The following BDKRB2 variants were observed in gnomAD, a reference collection of about 807,000 sequenced individuals.
BDKRB2 encodes the protein bradykinin receptor B2, also known as B2 bradykinin receptor.
Under a neutral mutation model 4.0 loss-of-function variants are expected in BDKRB2, and 6 were observed. That is an observed-to-expected ratio of 1.49 (90% confidence interval 0.81 to 2.93). The LOEUF is 2.93. BDKRB2 is among the 30% of genes most tolerant of loss of function. The pLI is 0.00. For missense variants in BDKRB2, 478 were observed against 520.1 expected (o/e 0.92, Z 0.79); for synonymous variants, 225 against 215.3 (o/e 1.05, Z -0.40).
chr14:96,241,701 C>A lies in BDKRB2; in HGVS notation c.*197C>A. ...CATGGCTGTGAGGATGGGGTGAACTCACGCACAGCCAAGGACTCCAAAATC... is the reference window on the plus strand; with the variant it reads ...CATGGCTGTGAGGATGGGGTGAACTAACGCACAGCCAAGGACTCCAAAATC... On this transcript the variant is annotated 3_prime_UTR_variant, in exon 3 of 3. Transcript: ENST00000554311. 1.2e-6 allele frequency: 1 copy of A among 853,484 alleles called. No homozygotes were observed. Among genetic ancestry groups the A allele is most frequent in the Non-Finnish European group, 1.7e-6 (1 of 605,704 alleles). 52.9% of individuals were successfully genotyped at this position (853,484 alleles called of 1,614,324 possible).
At chr14:96,239,117 A>G in intron 2 of BDKRB2, 6 of 985,320 alleles carry the variant, frequency 6.1e-6, no homozygotes, top group Non-Finnish European at 7.2e-6. Flanking sequence ...GAGCCTGACT[A>G]TCAGTGGACC....
At chr14:96,207,579 G>C (rs1483436489) in intron 1 of BDKRB2, among the ~76,000 whole-genome samples, 1 of 152,178 alleles carries the variant, frequency 6.6e-6, no homozygotes, top group Non-Finnish European at 1.5e-5. Flanking sequence ...CCATCACCAA[G>C]AGTGAACCCT....
chr14:96,238,471 A>T, intron 2 of BDKRB2: 1 of 985,680 alleles, frequency 1.0e-6, no homozygotes, highest in Non-Finnish European at 1.2e-6. Context: ...AAGCCACCAC[A>T]CACCACAGGG....
intron 1 of BDKRB2, among the ~76,000 whole-genome samples, chr14:96,227,695 GCACA>G (rs951870820): frequency 6.7e-6 from 1 of 149,868 alleles, no homozygotes; most frequent in East Asian, 2.0e-4. Flanking sequence ...ACACACACAT[GCACA>G]CACACACACA....
chr14:96,205,986 G>A (rs1890170714), intron 1 of BDKRB2, among the ~76,000 whole-genome samples: 1 of 152,154 alleles, frequency 6.6e-6, no homozygotes, highest in African/African-American at 2.4e-5. Context: ...GTGGGGTGAT[G>A]GGGGCCTCCC....
At chr14:96,238,179 G>T in intron 2 of BDKRB2, 1 of 843,640 alleles carries the variant, frequency 1.2e-6, no homozygotes, top group Non-Finnish European at 1.4e-6. Flanking sequence ...GAAACCAGGA[G>T]CCACCAAAAG....
At chr14:96,227,610 C>T (rs1241781240) in intron 1 of BDKRB2, among the ~76,000 whole-genome samples, 1 of 152,012 alleles carries the variant, frequency 6.6e-6, no homozygotes, top group Non-Finnish European at 1.5e-5. Flanking sequence ...CACATGCATG[C>T]ACACACAAAC....
rs1595266867 is a variant in BDKRB2, at chr14:96,241,588, G to C, written c.*84G>C. 5 of 1,475,644 alleles carry C rather than the reference G, an allele frequency of 3.4e-6. No individual in the cohort carries two copies. In the East Asian group the frequency reaches 1.2e-4, roughly 34 times the overall value. The allele number at this position is 1,475,644 out of a possible 1,614,324, so 91.4% of individuals were successfully genotyped here. ...AGCATGGGCCCAGGAATGCCAAGGAGACATCTATGCACGACCTTGGGAAAT... is the reference window on the plus strand; with the variant it reads ...AGCATGGGCCCAGGAATGCCAAGGACACATCTATGCACGACCTTGGGAAAT... On this transcript the variant is annotated 3_prime_UTR_variant, in exon 3 of 3. Coordinates refer to ENST00000554311, the MANE Select transcript of BDKRB2 (RefSeq NM_001379692.1).
chr14:96,234,460 A>C (rs1166659509), intron 1 of BDKRB2, among the ~76,000 whole-genome samples: 2 of 152,146 alleles, frequency 1.3e-5, no homozygotes, highest in Non-Finnish European at 2.9e-5. Flanking sequence ...AGAAGCCGGA[A>C]GGCAAAGAGC....
At chr14:96,228,984 T>G (rs1478143023) in intron 1 of BDKRB2, among the ~76,000 whole-genome samples, 1 of 152,200 alleles carries the variant, frequency 6.6e-6, no homozygotes. Context: ...TAGCAATGCA[T>G]CAGCCACTCA....
intron 2 of BDKRB2, chr14:96,237,645 C>G: frequency 7.9e-7 from 1 of 1,272,486 alleles, no homozygotes; most frequent in Non-Finnish European, 1.0e-6. Context: ...ATAGGGAGAT[C>G]TGTTCTTGGG....
At position 96,243,844 on chromosome 14, in the gene BDKRB2, A is replaced by G. The variant is rs201478639; in HGVS notation, c.*2340A>G. On this transcript the variant is annotated 3_prime_UTR_variant, in exon 3 of 3. Transcript: ENST00000554311. ...CAAACTGTGCCACACATGGTGAATG[A>G]AAAAAAAAAAAAGAGGCTGTGTTTT... 1 of 107,228 alleles carries G rather than the reference A, an allele frequency of 9.3e-6. No homozygotes were observed. The highest frequency in any genetic ancestry group is 2.0e-5 in the Non-Finnish European group (1 of 49,124). The allele number at this position is 107,228 out of a possible 1,614,324, so 6.6% of individuals were successfully genotyped here. A position where few individuals can be genotyped will look rare whatever the true frequency, so the allele number is the denominator to read the frequency against.
At position 96,204,956 on chromosome 14, in the gene BDKRB2, G is replaced by T; in HGVS notation, c.-43G>T. 1 of 235,068 alleles carries T rather than the reference G, an allele frequency of 4.3e-6. No homozygotes were observed. The highest frequency in any genetic ancestry group is 5.3e-5 in the Admixed American group (1 of 18,746). 14.6% of individuals were successfully genotyped at this position (235,068 alleles called of 1,614,324 possible). On this transcript the variant is annotated 5_prime_UTR_variant, in exon 1 of 3. Coordinates refer to ENST00000554311, the MANE Select transcript of BDKRB2 (RefSeq NM_001379692.1). ...AAGTGCCCATGCCGCTTGCTCCGGA[G>T]AAGGTGGGTGCCGGGCAGGGGCTGC...
At position 96,240,435 on chromosome 14, in the gene BDKRB2, C is replaced by T; in HGVS notation, c.107C>T (p.Pro36Leu). Residue 36 changes from proline to leucine, a missense_variant, in exon 3 of 3, where the codon CCC (proline) becomes CTC (leucine). Pro to Leu is a moderately conservative substitution (Grantham distance 98). Transcript: ENST00000554311. ...ATGCTCAATGTCACCTTGCAAGGGC[C>T]CACTCTTAACGGGACCTTTGCCCAG... Reference protein sequence around the residue: ...ADMLNVTLQGPTLNGTFAQSK... With the variant: ...ADMLNVTLQGLTLNGTFAQSK... 1 of 1,480,460 alleles carries T rather than the reference C, an allele frequency of 6.8e-7. No individual in the cohort carries two copies. The highest frequency in any genetic ancestry group is 9.0e-7 in the Non-Finnish European group (1 of 1,115,436). 91.7% of individuals were successfully genotyped at this position (1,480,460 alleles called of 1,614,324 possible). A position where few individuals can be genotyped will look rare whatever the true frequency, so the allele number is the denominator to read the frequency against.
intron 1 of BDKRB2, among the ~76,000 whole-genome samples, chr14:96,205,505 A>T (rs1890156396): frequency 6.6e-6 from 1 of 151,826 alleles, no homozygotes. Flanking sequence ...GGGGTTTGTG[A>T]ATGTTGGCTG....
At position 96,204,873 on chromosome 14, in the gene BDKRB2, TGGGGAC is replaced by T. The variant is rs764264024; in HGVS notation, c.-123_-118del. 290 of 84,284 alleles carry T rather than the reference TGGGGAC, an allele frequency of 3.4e-3. 3 individuals are homozygous for T. The highest frequency in any genetic ancestry group is 8.6e-3 in the South Asian group (56 of 6,536). The allele number at this position is 84,284 out of a possible 1,614,324, so 5.2% of individuals were successfully genotyped here. On this transcript the variant is annotated 5_prime_UTR_variant, in exon 1 of 3. Transcript: ENST00000554311. Reference sequence around the variant, plus strand: ...CTGGCTTCTGGGCTCCGAGGAGGGGTGGGGACGGTGGGGACGGTGGGGACATCAGGC... The same window carrying T: ...CTGGCTTCTGGGCTCCGAGGAGGGGTGGTGGGGACGGTGGGGACATCAGGC...
intron 2 of BDKRB2, chr14:96,239,865 C>T (rs912769720): frequency 1.5e-5 from 15 of 985,304 alleles, no homozygotes; most frequent in Admixed American, 1.2e-4. Flanking sequence ...ATAGAAGGTA[C>T]GGAAATACGA....
At chr14:96,238,450 G>C in intron 2 of BDKRB2, 1 of 984,642 alleles carries the variant, frequency 1.0e-6, no homozygotes, top group African/African-American at 1.7e-5. Context: ...AGTAATTCGG[G>C]GGGCATATGA....
intron 1 of BDKRB2, chr14:96,233,861 G>A (rs1890874352): frequency 6.6e-6 from 1 of 152,212 alleles, no homozygotes; most frequent in African/African-American, 2.4e-5. Flanking sequence ...ATAGAATTCT[G>A]AGGGAGAGAG....
Sources: allele counts gnomAD v4.1 joint callset (sites outside exome capture counted in the v4.1 genomes callset), GRCh38; gene constraint gnomAD v4.1.1; transcripts MANE v1.5; gene names NCBI Gene and HGNC (gene_info 2026-07-23, HGNC 2026-07-21).